The following NDUFA1 variants were observed in gnomAD, a reference collection of about 807,000 sequenced individuals.
NDUFA1 encodes NADH:ubiquinone oxidoreductase subunit A1, also known as NADH dehydrogenase [ubiquinone] 1 alpha subcomplex subunit 1.
For synonymous variants in NDUFA1, 21 were observed against 20.0 expected (o/e 1.05, Z -0.14); for missense variants, 42 against 56.0 (o/e 0.75, Z 0.80).
At position 119,873,373 on chromosome X, in the gene NDUFA1, G is replaced by A; in HGVS notation, c.172G>A (p.Asp58Asn). ...AAGAGATAGGCGCATCTCTGGAGTT[G>A]ATCGTTACTATGTGTCAAAGGTAAG... ...MERDRRISGV[D>N]RYYVSKGLEN... Residue 58 changes from aspartate to asparagine, a missense_variant, in exon 2 of 3, where the codon GAT becomes AAT. By Grantham distance (23) the Asp-to-Asn change is conservative. Transcript: ENST00000371437. 1 of 1,209,941 alleles carries A rather than the reference G, an allele frequency of 8.3e-7. No individual in the cohort carries two copies. The highest frequency in any genetic ancestry group is 1.1e-6 in the Non-Finnish European group (1 of 894,289).
At chrX:119,873,477 TA>T in intron 2 of NDUFA1, 84 bp downstream of exon 2, 1 of 699,506 alleles carries the variant, frequency 1.4e-6, no homozygotes, top group East Asian at 3.3e-5. Flanking sequence ...ACAGTGCTAA[TA>T]TATAACTAGC....
At chrX:119,874,500 G>A (rs1479362957) in intron 2 of NDUFA1, among the ~76,000 whole-genome samples, 3 of 110,810 alleles carry the variant, frequency 2.7e-5, no homozygotes, top group African/African-American at 9.8e-5. Flanking sequence ...GGTCAAAAAC[G>A]ACCAAGCAGT....
rs1169478795 is a variant in NDUFA1, at chrX:119,873,327, G to A, written c.126G>A (p.Gly42=). Reference sequence around the variant, plus strand: ...AGGAAAAAAGGGTTGCTCATTTTGGGTATCACTGGAGTCTGATGGAAAGAG... The same window carrying A: ...AGGAAAAAAGGGTTGCTCATTTTGGATATCACTGGAGTCTGATGGAAAGAG... ...GGKEKRVAHF[G]YHWSLMERDR... Residue 42 remains glycine (G), a synonymous_variant, in exon 2 of 3, where the codon GGG becomes GGA. Coordinates refer to ENST00000371437, the MANE Select transcript of NDUFA1 (RefSeq NM_004541.4). The A allele has an allele frequency of 3.3e-6, 4 of 1,207,966 alleles. No homozygotes were observed. Among genetic ancestry groups the A allele is most frequent in the Non-Finnish European group, 4.5e-6 (4 of 894,035 alleles).
At chrX:119,874,493 C>A (rs1267954969) in intron 2 of NDUFA1, among the ~76,000 whole-genome samples, 1 of 110,814 alleles carries the variant, frequency 9.0e-6, no homozygotes, top group Non-Finnish European at 1.9e-5. Context: ...TTTTGTAGGT[C>A]AAAAACGACC....
intron 1 of NDUFA1, among the ~76,000 whole-genome samples, chrX:119,872,243 A>G (rs2056416230): frequency 8.9e-6 from 1 of 111,875 alleles, no homozygotes; most frequent in African/African-American, 3.2e-5. Context: ...CAGAGTAGCG[A>G]CGCGGGGGCC....
chrX:119,873,248 A>G, intron 1 of NDUFA1, 56 bp from the exon 2 acceptor site: 3 of 925,001 alleles, frequency 3.2e-6, no homozygotes, highest in Middle Eastern at 2.6e-4. Context: ...TGTAGTATCT[A>G]TCAATTGGGT....
At position 119,871,872 on chromosome X, in the gene NDUFA1, G is replaced by T; in HGVS notation, c.-40G>T. 8.4e-7 allele frequency: 1 copy of T among 1,185,353 alleles called. No individual in the cohort carries two copies. The highest frequency in any genetic ancestry group is 1.1e-6 in the Non-Finnish European group (1 of 870,818). On this transcript the variant is annotated 5_prime_UTR_variant, in exon 1 of 3. Transcript: ENST00000371437. ...AGGCGAAGCCAGGTCACCTTTCAAG[G>T]ACCCAGAAGTAGGGTTTTGGCCTAG...
intron 2 of NDUFA1, among the ~76,000 whole-genome samples, chrX:119,873,791 T>C (rs1474320568): frequency 9.0e-6 from 1 of 111,184 alleles, no homozygotes; most frequent in African/African-American, 3.3e-5. Flanking sequence ...GTTTTGTTGT[T>C]CTGGATTCTA....
intron 2 of NDUFA1, among the ~76,000 whole-genome samples, chrX:119,875,315 G>GTTTTTTTTTTTTTTT (rs1244653642): frequency 2.3e-5 from 2 of 86,529 alleles, no homozygotes; most frequent in African/African-American, 1.0e-4. Context: ...TCACTGATGA[G>GTTTTTTTTTTTTTTT]TCTTTTTTTT....
intron 2 of NDUFA1, among the ~76,000 whole-genome samples, chrX:119,875,317 CTTTTTTTTTT>C (rs61235666): frequency 0.031 from 1,881 of 59,715 alleles, 92 homozygotes; most frequent in African/African-American, 0.13. Context: ...ACTGATGAGT[CTTTTTTTTTT>C]TTTTTTTTTT....
At chrX:119,872,840 C>T (rs2056420862) in intron 1 of NDUFA1, among the ~76,000 whole-genome samples, 1 of 109,541 alleles carries the variant, frequency 9.1e-6, no homozygotes, top group African/African-American at 3.3e-5. Flanking sequence ...TTTTTATTCC[C>T]CACTTTCTCT....
At chrX:119,874,160 A>G (rs2056427198) in intron 2 of NDUFA1, among the ~76,000 whole-genome samples, 1 of 109,500 alleles carries the variant, frequency 9.1e-6, no homozygotes, top group East Asian at 2.8e-4. Context: ...AGAGTTTAGT[A>G]GTCCTAGCTA....
intron 2 of NDUFA1, among the ~76,000 whole-genome samples, chrX:119,873,648 T>C (rs1030766285): frequency 9.0e-6 from 1 of 111,071 alleles, no homozygotes; most frequent in Non-Finnish European, 1.9e-5. Context: ...TGAGCTATGG[T>C]TCTTTATATA....
Position 119,876,617 on chromosome X carries a change from C to A in NDUFA1, c.*83C>A. ...TAGAAGGTTACAGTGTATTATGTAG[C>A]ATGCAATGTGTTATGTAGTGCTTAA... On this transcript the variant is annotated 3_prime_UTR_variant, in exon 3 of 3. Transcript: ENST00000371437. The A allele has an allele frequency of 1.1e-6, 1 of 889,643 alleles. No individual in the cohort carries two copies. The highest frequency in any genetic ancestry group is 1.6e-6 in the Non-Finnish European group (1 of 606,180). The allele number at this position is 889,643 out of a possible 1,213,427, so 73.3% of individuals were successfully genotyped here.
chrX:119,872,112 C>T, intron 1 of NDUFA1, 99 bp downstream of exon 1: 3 of 854,617 alleles, frequency 3.5e-6, no homozygotes, highest in South Asian at 4.1e-5. Flanking sequence ...TCTCCGAGGT[C>T]GGCCCTCTAC....
chrX:119,875,669 G>A (rs2056434513), intron 2 of NDUFA1, among the ~76,000 whole-genome samples: 1 of 110,832 alleles, frequency 9.0e-6, no homozygotes, highest in South Asian at 3.8e-4. Context: ...GATCCAGTAG[G>A]TATTTTGAAT....
intron 1 of NDUFA1, 123 bp downstream of exon 1, chrX:119,872,136 C>A: frequency 1.5e-6 from 1 of 687,067 alleles, no homozygotes; most frequent in Non-Finnish European, 2.3e-6. Flanking sequence ...CTTCCGGTTG[C>A]CTAGAAGCCG....
intron 2 of NDUFA1, 34 bp downstream of exon 2, chrX:119,873,427 G>C (rs2056424204): frequency 9.1e-7 from 1 of 1,104,549 alleles, no homozygotes; most frequent in East Asian, 3.0e-5. Context: ...CCTTTTGCCA[G>C]GGTTGAGGTG....
intron 2 of NDUFA1, among the ~76,000 whole-genome samples, chrX:119,874,044 G>A (rs1402652766): frequency 9.0e-6 from 1 of 110,844 alleles, no homozygotes; most frequent in Non-Finnish European, 1.9e-5. Context: ...TAAAAAATTA[G>A]TTATTTGGTT....
Sources: allele counts gnomAD v4.1 joint callset (sites outside exome capture counted in the v4.1 genomes callset), GRCh38; gene constraint gnomAD v4.1.1; transcripts MANE v1.5; gene names NCBI Gene and HGNC (gene_info 2026-07-23, HGNC 2026-07-21).